ACOT1: variants seen among roughly 807,000 people sequenced by gnomAD.
ACOT1 encodes the protein acyl-coenzyme A thioesterase 1.
Under a neutral mutation model 15.7 loss-of-function variants are expected in ACOT1, and 8 were observed. That is an observed-to-expected ratio of 0.51 (90% CI 0.30 to 0.92). The LOEUF (loss-of-function observed/expected upper bound fraction) is 0.92, where lower values mean the gene tolerates loss of function less well. ACOT1 is among the 40% of genes least tolerant of loss of function. The probability of loss-of-function intolerance (pLI) is 0.06; values close to 1 mark genes in which losing one functional copy is unlikely to be tolerated. For synonymous variants in ACOT1, 67 were observed against 241.2 expected (o/e 0.28, Z 6.69); for missense variants, 151 against 539.4 (o/e 0.28, Z 7.13).
At chr14:73,492,634 G>C in the ACOT1 span, 1 of 1,613,988 alleles carries the variant, frequency 6.2e-7, no homozygotes. The surrounding 1 kb of genome is among the most constrained non-coding windows in gnomAD (Gnocchi z 4.9). Context: ...TAAACGTGGG[G>C]GCCCAGTTGA....
chr14:73,502,976 T>G, the ACOT1 span: 1 of 1,614,032 alleles, frequency 6.2e-7, no homozygotes, highest in Non-Finnish European at 8.5e-7. Context: ...CTTATTCCAG[T>G]CATTCCACAT....
chr14:73,522,839 G>A, the ACOT1 span: 3 of 1,614,224 alleles, frequency 1.9e-6, no homozygotes, highest in Non-Finnish European at 1.7e-6. Flanking sequence ...GATCTGGGGA[G>A]TATGGATGAT....
the ACOT1 span, among the ~76,000 whole-genome samples, chr14:73,515,247 A>G: frequency 6.6e-6 from 1 of 152,214 alleles, no homozygotes; most frequent in African/African-American, 2.4e-5. Flanking sequence ...TATTAGTCTC[A>G]TGTTCTAATC....
intron 1 of ACOT1, among the ~76,000 whole-genome samples, chr14:73,538,528 G>A (rs1199846346): frequency 1.9e-5 from 2 of 107,594 alleles, no homozygotes; most frequent in African/African-American, 6.2e-5. Flanking sequence ...CAGAAGAATG[G>A]CATGAACCCA....
the ACOT1 span, among the ~76,000 whole-genome samples, chr14:73,529,647 A>C: frequency 6.6e-6 from 1 of 152,170 alleles, no homozygotes; most frequent in Non-Finnish European, 1.5e-5. Flanking sequence ...ATTTAGTTCT[A>C]CTTTTCTGTT....
chr14:73,514,207 C>T, the ACOT1 span: 9 of 1,614,018 alleles, frequency 5.6e-6, no homozygotes, highest in Admixed American at 3.3e-5. Flanking sequence ...AGCAGTCCAG[C>T]GCAGGGCTCC....
At chr14:73,513,431 G>A in the ACOT1 span, among the ~76,000 whole-genome samples, 9 of 146,934 alleles carry the variant, frequency 6.1e-5, no homozygotes, top group African/African-American at 2.0e-4. Flanking sequence ...ATGGCACTCC[G>A]GCCTGGGCAA....
the ACOT1 span, chr14:73,492,925 G>C: frequency 4.3e-6 from 7 of 1,613,292 alleles, no homozygotes; most frequent in Non-Finnish European, 5.9e-6. This position sits in a 1 kb window ranked among gnomAD's most constrained non-coding sequence, Gnocchi z 4.9. Context: ...TCACTAAGAT[G>C]CCTCTAGCCC....
chr14:73,529,121 A>C, the ACOT1 span: 1 of 152,178 alleles, frequency 6.6e-6, no homozygotes, highest in Non-Finnish European at 1.5e-5. Context: ...TGGGAGGCTG[A>C]GGCGTGTGGA....
chr14:73,521,365 G>T, the ACOT1 span, among the ~76,000 whole-genome samples: 1 of 152,076 alleles, frequency 6.6e-6, no homozygotes, highest in Admixed American at 6.6e-5. Flanking sequence ...ATGGCCTTGG[G>T]GAAGGGATCC....
chr14:73,491,817 A>C, the ACOT1 span: 3 of 1,603,848 alleles, frequency 1.9e-6, no homozygotes, highest in Non-Finnish European at 2.6e-6. Context: ...GCCGCTCGCT[A>C]CATCAACGGA....
At chr14:73,498,265 A>G in the ACOT1 span, 1 of 1,614,082 alleles carries the variant, frequency 6.2e-7, no homozygotes, top group African/African-American at 1.3e-5. Flanking sequence ...CCAGCCGTAC[A>G]CCTGGTGACT....
chr14:73,494,166 C>A, the ACOT1 span, among the ~76,000 whole-genome samples: 27,017 of 152,134 alleles, frequency 0.18, 2,991 homozygotes, highest in East Asian at 0.4. Flanking sequence ...GAAGAAACTT[C>A]CCCAAATCTG....
At chr14:73,532,683 A>G (rs146884149), upstream of ACOT1, among the ~76,000 whole-genome samples, 895 of 115,542 alleles carry the variant, frequency 7.7e-3, 265 homozygotes, top group South Asian at 0.018. Flanking sequence ...GGCCGGGTGC[A>G]GTGGCTCACG....
the ACOT1 span, chr14:73,522,271 C>T: frequency 6.2e-7 from 1 of 1,613,142 alleles, no homozygotes; most frequent in African/African-American, 1.3e-5. Context: ...GGCCAGTATA[C>T]CTGTAGTAAA....
At chr14:73,508,845 C>A in the ACOT1 span, among the ~76,000 whole-genome samples, 1 of 147,846 alleles carries the variant, frequency 6.8e-6, no homozygotes, top group African/African-American at 2.5e-5. Context: ...AGCAAATTTT[C>A]TTTTTTTCCT....
At chr14:73,535,618 G>A (rs1379389778), upstream of ACOT1, among the ~76,000 whole-genome samples, 5 of 107,462 alleles carry the variant, frequency 4.7e-5, 2 homozygotes, top group African/African-American at 1.5e-4. Context: ...ACAGGCGCCT[G>A]CCACCACGCC....
chr14:73,503,640 T>A, the ACOT1 span, among the ~76,000 whole-genome samples: 757 of 149,906 alleles, frequency 5.0e-3, 11 homozygotes, highest in African/African-American at 0.017. Flanking sequence ...TTATTAAAAA[T>A]TTTAAAAAAT....
chr14:73,518,774 C>T, the ACOT1 span, among the ~76,000 whole-genome samples: 2 of 152,150 alleles, frequency 1.3e-5, no homozygotes, highest in Non-Finnish European at 2.9e-5. Context: ...TGGCCCTAAA[C>T]CACTTGGTTA....
Sources: gnomAD v4.1 joint callset for allele counts (sites outside exome capture counted in the v4.1 genomes callset) on GRCh38, gnomAD v4.1.1 for gene constraint, Gnocchi (gnomAD v3.1) non-coding constraint, MANE v1.5 for transcripts, NCBI Gene and HGNC (gene_info 2026-07-23, HGNC 2026-07-21) for gene names.